The following SYNE1 variants were observed in gnomAD, a reference collection of about 807,000 sequenced individuals.
The protein encoded by SYNE1 is nesprin-1.
In SYNE1, 616 loss-of-function variants were observed where a neutral mutation model predicts 1,111.0. That is an observed-to-expected ratio of 0.55 (90% CI 0.52 to 0.59). The LOEUF (loss-of-function observed/expected upper bound fraction) is 0.59, where lower values mean the gene tolerates loss of function less well. Among genes scored for constraint, SYNE1 ranks in the 20% least tolerant of loss-of-function variants. The probability of loss-of-function intolerance (pLI) is 0.00; values close to 1 mark genes in which losing one functional copy is unlikely to be tolerated. For missense variants in SYNE1, 10,006 were observed against 10,417.0 expected (o/e 0.96, Z 1.72); for synonymous variants, 3,855 against 3,825.8 (o/e 1.01, Z -0.28).
At chr6:152,428,868 A>C (rs1005727097) in intron 36 of SYNE1, among the ~76,000 whole-genome samples, 2 of 152,090 alleles carry the variant, frequency 1.3e-5, no homozygotes, top group Non-Finnish European at 2.9e-5. Flanking sequence ...AAATGGAGAC[A>C]CTTCTTCAAA....
intron 19 of SYNE1, 115 bp downstream of exon 19, chr6:152,463,238 T>A: frequency 2.1e-6 from 3 of 1,434,402 alleles, no homozygotes; most frequent in Non-Finnish European, 2.9e-6. Context: ...TTTAAACATA[T>A]CTATGCTTTG....
intron 55 of SYNE1, 91 bp from the exon 56 acceptor site, chr6:152,381,453 GC>G: frequency 7.5e-7 from 1 of 1,335,482 alleles, no homozygotes; most frequent in South Asian, 1.2e-5. Flanking sequence ...ACCCTGTCCT[GC>G]CAGGAAGTTT....
intron 66 of SYNE1, among the ~76,000 whole-genome samples, chr6:152,355,650 G>T (rs9478323): frequency 0.18 from 27,435 of 151,998 alleles, 2,892 homozygotes; most frequent in African/African-American, 0.26. Flanking sequence ...AGGACAAAAA[G>T]AATCTTATAT....
intron 37 of SYNE1, 100 bp from the exon 38 acceptor site, chr6:152,427,916 T>C: frequency 6.5e-7 from 1 of 1,528,324 alleles, no homozygotes. Flanking sequence ...CCATAGTAAA[T>C]ACAGCCTCAG....
chr6:152,342,015 C>A (rs1446825624), intron 74 of SYNE1, among the ~76,000 whole-genome samples: 10 of 152,134 alleles, frequency 6.6e-5, no homozygotes, highest in African/African-American at 1.9e-4. Flanking sequence ...AAATAAAAAA[C>A]CTTTCCTCCT....
chr6:152,421,505 A>T (rs568071036), intron 39 of SYNE1, among the ~76,000 whole-genome samples: 2 of 152,094 alleles, frequency 1.3e-5, no homozygotes, highest in South Asian at 4.1e-4. Context: ...AAGAGAGAAA[A>T]ATTATGTTTT....
intron 5 of SYNE1, 138 bp from the exon 6 acceptor site, chr6:152,520,680 G>A (rs2099134632): frequency 2.1e-6 from 2 of 934,260 alleles, no homozygotes; most frequent in Non-Finnish European, 1.6e-6. Context: ...TTCTATAAAG[G>A]TTAGCAAATA....
chr6:152,251,100 C>G (rs1210589672), intron 104 of SYNE1, among the ~76,000 whole-genome samples: 1 of 152,086 alleles, frequency 6.6e-6, no homozygotes, highest in Non-Finnish European at 1.5e-5. Flanking sequence ...TAGGCATGCA[C>G]CACCACGTCT....
At position 152,358,432 on chromosome 6, in the gene SYNE1, G is replaced by A; in HGVS notation, c.10549C>T (p.Gln3517Ter). 2 of 1,614,136 alleles carry A rather than the reference G, an allele frequency of 1.2e-6. No homozygotes were observed. The highest frequency in any genetic ancestry group is 1.7e-6 in the Non-Finnish European group (2 of 1,180,024). Reference sequence around the variant, plus strand: ...GCATCACCTTCAAGAACTGAATACTGGTCGAGCTTTTCTTGTTCTTGCCCC... The same window carrying A: ...GCATCACCTTCAAGAACTGAATACTAGTCGAGCTTTTCTTGTTCTTGCCCC... ...WLGQEQEKLD[Q>*]YSVLEGDAHT... Residue 3517 changes from glutamine (Q) to a stop codon, truncating the protein, a stop_gained, in exon 66 of 146, where the codon CAG becomes TAG. Coordinates refer to ENST00000367255, the MANE Select transcript of SYNE1 (RefSeq NM_182961.4). LOFTEE classifies it high-confidence loss of function.
At chr6:152,234,209 T>C (rs1200665803) in intron 111 of SYNE1, among the ~76,000 whole-genome samples, 1 of 152,220 alleles carries the variant, frequency 6.6e-6, no homozygotes, top group Non-Finnish European at 1.5e-5. Context: ...TGCATAATTA[T>C]GGAACACACA....
At chr6:152,145,744 G>A (rs895395051) in intron 137 of SYNE1, 2 of 617,216 alleles carry the variant, frequency 3.2e-6, no homozygotes, top group East Asian at 3.1e-5. Context: ...TTCACAGTGG[G>A]TGGGGCATGG....
intron 3 of SYNE1, among the ~76,000 whole-genome samples, chr6:152,605,076 A>AAGGAAG (rs2099610951): frequency 1.1e-3 from 35 of 32,346 alleles, no homozygotes; most frequent in African/African-American, 3.4e-3. Context: ...GAGGGAGGAA[A>AAGGAAG]GAAGGAAGGA....
chr6:152,413,310 A>G, intron 42 of SYNE1, 42 bp downstream of exon 42: 1 of 1,606,992 alleles, frequency 6.2e-7, no homozygotes, highest in Middle Eastern at 1.7e-4. Flanking sequence ...TCACATAATA[A>G]GTGGGAAGCT....
chr6:152,379,404 C>T (rs548935214), intron 56 of SYNE1, among the ~76,000 whole-genome samples: 33 of 152,046 alleles, frequency 2.2e-4, no homozygotes, highest in Non-Finnish European at 4.3e-4. Context: ...CTTTATAGAT[C>T]ATCTGTTTTT....
chr6:152,201,328 T>C (rs1278040958), intron 127 of SYNE1, among the ~76,000 whole-genome samples: 1 of 152,158 alleles, frequency 6.6e-6, no homozygotes, highest in Non-Finnish European at 1.5e-5. Flanking sequence ...TTTAAGTACT[T>C]AGAGCCCTGA....
At chr6:152,625,029 T>A (rs1333731978) in intron 3 of SYNE1, among the ~76,000 whole-genome samples, 1 of 152,208 alleles carries the variant, frequency 6.6e-6, no homozygotes, top group Non-Finnish European at 1.5e-5. Flanking sequence ...AGTTACTCAT[T>A]ATACATATCT....
chr6:152,272,244 G>C (rs2093269121), intron 98 of SYNE1, among the ~76,000 whole-genome samples: 1 of 152,206 alleles, frequency 6.6e-6, no homozygotes, highest in Admixed American at 6.5e-5. Flanking sequence ...CTGGGGATAA[G>C]AAGGTGCAGC....
Position 152,453,762 on chromosome 6 carries a change from G to A in SYNE1, c.2893-42C>T, listed in dbSNP as rs79997459. 2,566 of 1,613,524 alleles carry A rather than the reference G, an allele frequency of 1.6e-3. 36 individuals carry two copies. The African/African-American group carries it at 0.031, about 19-fold the overall frequency. On this transcript the variant is annotated intron_variant, in intron 24 of 145. Coordinates refer to ENST00000367255, the MANE Select transcript of SYNE1 (RefSeq NM_182961.4). ...AAGTGGGTAAGAGTGTTGGACAGAC[G>A]AAAAGGCAGCACCAGGCACAATCAG...
chr6:152,215,425 T>C (rs2078400935), intron 121 of SYNE1, among the ~76,000 whole-genome samples: 1 of 152,158 alleles, frequency 6.6e-6, no homozygotes. Flanking sequence ...ATTACGTGTA[T>C]TATATTACAT....
Sources: gnomAD v4.1 joint callset for allele counts (sites outside exome capture counted in the v4.1 genomes callset) on GRCh38, gnomAD v4.1.1 for gene constraint, MANE v1.5 for transcripts, NCBI Gene and HGNC (gene_info 2026-07-23, HGNC 2026-07-21) for gene names.